VAC14: variants seen among roughly 807,000 people sequenced by gnomAD.
VAC14 encodes VAC14 component of PIKFYVE complex.
Under a neutral mutation model 85.3 loss-of-function variants are expected in VAC14, and 47 were observed. That is an observed-to-expected ratio of 0.55 (90% CI 0.44 to 0.70). VAC14 has a LOEUF of 0.70. Ranked by LOEUF, VAC14 falls within the 30% of genes least tolerant of loss-of-function variation. The pLI, the probability that VAC14 is intolerant of heterozygous loss-of-function variation, is 0.00. For synonymous variants in VAC14, 447 were observed against 430.5 expected (o/e 1.04, Z -0.47); for missense variants, 861 against 1,004.3 (o/e 0.86, Z 1.93).
At chr16:70,795,735 G>C (rs1026647383) in intron 1 of VAC14, among the ~76,000 whole-genome samples, 1 of 152,182 alleles carries the variant, frequency 6.6e-6, no homozygotes, top group African/African-American at 2.4e-5. Flanking sequence ...GGCATGGCCT[G>C]GGCCACCTAG....
At chr16:70,781,054 C>T in intron 8 of VAC14, 115 bp from the exon 9 acceptor site, 6 of 1,443,642 alleles carry the variant, frequency 4.2e-6, no homozygotes, top group Non-Finnish European at 5.7e-6. Flanking sequence ...GGGTTTCGGT[C>T]ATGGGGGTGG....
chr16:70,722,852 G>T (rs1483355773), intron 14 of VAC14, among the ~76,000 whole-genome samples: 1 of 152,140 alleles, frequency 6.6e-6, no homozygotes, highest in Non-Finnish European at 1.5e-5. Flanking sequence ...GGCCAAGACA[G>T]GAGGACGGTT....
At chr16:70,795,917 G>A (rs2034526848) in intron 1 of VAC14, among the ~76,000 whole-genome samples, 1 of 152,212 alleles carries the variant, frequency 6.6e-6, no homozygotes, top group South Asian at 2.1e-4. Flanking sequence ...CTGCCTCCAT[G>A]ATGCCTGGCA....
intron 12 of VAC14, among the ~76,000 whole-genome samples, chr16:70,756,503 G>A (rs888663524): frequency 8.5e-5 from 13 of 152,218 alleles, no homozygotes; most frequent in Non-Finnish European, 1.8e-4. Flanking sequence ...ATGGCAGGGG[G>A]TGCTTCCCAG....
chr16:70,753,011 G>GGTGTGTGTGTGTGT (rs372860764), intron 12 of VAC14, among the ~76,000 whole-genome samples: 19 of 143,064 alleles, frequency 1.3e-4, no homozygotes, highest in Non-Finnish European at 2.3e-4. Flanking sequence ...AGGAGGAGGG[G>GGTGTGTGTGTGTGT]GTGTGTGTGT....
At chr16:70,734,725 C>T (rs536882917) in intron 13 of VAC14, among the ~76,000 whole-genome samples, 2 of 152,108 alleles carry the variant, frequency 1.3e-5, no homozygotes, top group African/African-American at 4.8e-5. Context: ...TGAGCACCTA[C>T]TATGTGCTTG....
intron 12 of VAC14, among the ~76,000 whole-genome samples, chr16:70,750,271 C>T (rs559385558): frequency 3.3e-5 from 5 of 152,242 alleles, no homozygotes; most frequent in South Asian, 2.1e-4. Context: ...TCAAAGAAAG[C>T]GGGAGGAAGC....
chr16:70,698,506 G>C (rs910366933), intron 15 of VAC14, 131 bp downstream of exon 15: 55 of 1,120,660 alleles, frequency 4.9e-5, no homozygotes, highest in Middle Eastern at 5.8e-4. Context: ...CAGTGGACCA[G>C]GGGAAGTCTC....
intron 12 of VAC14, among the ~76,000 whole-genome samples, chr16:70,753,718 G>T (rs1166271252): frequency 6.6e-6 from 1 of 152,216 alleles, no homozygotes; most frequent in Non-Finnish European, 1.5e-5. Context: ...CGGGAGTGAG[G>T]CCCAAGCAGC....
At chr16:70,703,104 G>A (rs997981192) in intron 14 of VAC14, among the ~76,000 whole-genome samples, 23 of 152,208 alleles carry the variant, frequency 1.5e-4, no homozygotes, top group African/African-American at 4.6e-4. Flanking sequence ...CCTGCCCGGC[G>A]GAGGCCTGGC....
At chr16:70,712,084 C>A (rs2054047166) in intron 14 of VAC14, among the ~76,000 whole-genome samples, 1 of 152,106 alleles carries the variant, frequency 6.6e-6, no homozygotes, top group South Asian at 2.1e-4. Flanking sequence ...TCCCCCACCC[C>A]CTCCCGGGAG....
chr16:70,794,419 A>G (rs565324835), intron 1 of VAC14, among the ~76,000 whole-genome samples: 1 of 152,060 alleles, frequency 6.6e-6, no homozygotes, highest in Admixed American at 6.5e-5. Context: ...TTCACTTAGC[A>G]TAATGTTTTC....
intron 14 of VAC14, among the ~76,000 whole-genome samples, chr16:70,722,503 G>T (rs1472455770): frequency 6.6e-6 from 1 of 152,222 alleles, no homozygotes. Flanking sequence ...TGATCTTCGT[G>T]ACTCTGCTAA....
intron 9 of VAC14, chr16:70,779,050 GGAATCGAACCCGGGCCT>G (rs1396584283): frequency 2.6e-5 from 4 of 152,188 alleles, no homozygotes; most frequent in African/African-American, 9.7e-5. Flanking sequence ...GCATTGGCCG[GGAATCGAACCCGGGCCT>G]CCCGCGTGGC....
rs545006874 is a variant in VAC14 at position 70,740,549 on chromosome 16, G to C, written c.1528+3874C>G. Among the ~76,000 whole-genome samples the C allele has an allele frequency of 2.2e-4, 34 of 152,316 alleles. 1 individual carries two copies. The East Asian group carries it at 5.6e-3, about 25-fold the overall frequency. ...AGTTTTTTGCACAGGCTCAGGGTAC[G>C]GCGGGCCCACAGGCCTGTCTGACAT... On this transcript the variant is annotated intron_variant, in intron 13 of 18. Coordinates refer to ENST00000261776, the MANE Select transcript of VAC14 (RefSeq NM_018052.5).
At chr16:70,743,910 G>A (rs1311824830) in intron 13 of VAC14, among the ~76,000 whole-genome samples, 1 of 152,170 alleles carries the variant, frequency 6.6e-6, no homozygotes. Flanking sequence ...GGACCGAGGG[G>A]CGAGTGCTGG....
At chr16:70,693,080 G>T in intron 17 of VAC14, 109 bp from the exon 18 acceptor site, 1 of 1,410,770 alleles carries the variant, frequency 7.1e-7, no homozygotes, top group Non-Finnish European at 9.5e-7. Flanking sequence ...TTGGTGCCAT[G>T]GCACCCACAG....
chr16:70,689,507 G>A (rs2053559792), intron 18 of VAC14: 2 of 985,408 alleles, frequency 2.0e-6, no homozygotes, highest in African/African-American at 1.7e-5. Context: ...GACCAGGGCA[G>A]GGGGACTCTT....
At chr16:70,778,452 A>C (rs1216897757) in intron 9 of VAC14, 1 of 151,982 alleles carries the variant, frequency 6.6e-6, no homozygotes, top group East Asian at 1.9e-4. Context: ...GATATAATTC[A>C]TATAACATTT....
Sources: gnomAD v4.1 joint callset for allele counts (sites outside exome capture counted in the v4.1 genomes callset) on GRCh38, gnomAD v4.1.1 for gene constraint, MANE v1.5 for transcripts, NCBI Gene and HGNC (gene_info 2026-07-23, HGNC 2026-07-21) for gene names.